LRRC4C: variants seen among roughly 807,000 people sequenced by gnomAD.
LRRC4C encodes leucine rich repeat containing 4C.
LRRC4C carries 5 observed loss-of-function variants against 33.6 expected under a neutral mutation model. The observed-to-expected ratio is 0.15, with a 90% confidence interval of 0.08 to 0.31. The LOEUF is 0.31. Among genes scored for constraint, LRRC4C ranks in the 10% least tolerant of loss-of-function variants. LRRC4C has a pLI of 1.00. For missense variants in LRRC4C, 560 were observed against 796.7 expected (o/e 0.70, Z 3.58); for synonymous variants, 329 against 302.0 (o/e 1.09, Z -0.93).
chr11:40,196,681 A>G lies in LRRC4C; in HGVS notation c.-96+44838T>C, dbSNP rs185994894. ...AGGCAGAGTAGATCTAAGATTTTAC[A>G]AAAGTGTCTACTCAATTAATTGAGA... On this transcript the variant is annotated intron_variant, in intron 5 of 6. Transcript: ENST00000528697. Among the ~76,000 whole-genome samples the G allele has an allele frequency of 3.9e-5, 6 of 152,320 alleles. No homozygotes were observed. The East Asian group carries it at 1.2e-3, about 29-fold the overall frequency.
intron 5 of LRRC4C, among the ~76,000 whole-genome samples, chr11:40,142,453 T>A (rs1857438366): frequency 6.6e-6 from 1 of 152,150 alleles, no homozygotes; most frequent in South Asian, 2.1e-4. Flanking sequence ...TTAGTGTGTG[T>A]AGAGAGGCAA....
At chr11:41,237,579 A>G (rs1023156874) in intron 1 of LRRC4C, among the ~76,000 whole-genome samples, 2 of 152,174 alleles carry the variant, frequency 1.3e-5, no homozygotes, top group South Asian at 2.1e-4. Flanking sequence ...CCTTAAAACT[A>G]GTTACCGTAG....
chr11:41,340,909 T>C (rs1951613281), intron 1 of LRRC4C, among the ~76,000 whole-genome samples: 1 of 152,190 alleles, frequency 6.6e-6, no homozygotes, highest in South Asian at 2.1e-4. Flanking sequence ...CAATTCATTG[T>C]GGTTGAGGAT....
intron 1 of LRRC4C, among the ~76,000 whole-genome samples, chr11:41,449,983 A>T (rs1955967341): frequency 6.6e-6 from 1 of 152,116 alleles, no homozygotes. Context: ...GAGAAATAGA[A>T]ACTGGCTTCT....
chr11:40,513,468 C>T (rs1303902893), intron 3 of LRRC4C, among the ~76,000 whole-genome samples: 4 of 152,014 alleles, frequency 2.6e-5, no homozygotes, highest in African/African-American at 9.7e-5. Context: ...CAAGCCCTAG[C>T]AAACCACAGA....
intron 4 of LRRC4C, among the ~76,000 whole-genome samples, chr11:40,280,516 C>T (rs560109966): frequency 6.6e-6 from 1 of 152,284 alleles, no homozygotes; most frequent in South Asian, 2.1e-4. Context: ...ACTATCCTCT[C>T]ACTCATCTTC....
chr11:41,221,022 T>C (rs1166762140), intron 1 of LRRC4C, among the ~76,000 whole-genome samples: 1 of 152,220 alleles, frequency 6.6e-6, no homozygotes, highest in African/African-American at 2.4e-5. Context: ...GGGGTACAAA[T>C]GTAAGTTTGT....
At chr11:41,202,429 A>G (rs890431398) in intron 1 of LRRC4C, among the ~76,000 whole-genome samples, 4 of 152,200 alleles carry the variant, frequency 2.6e-5, no homozygotes, top group Non-Finnish European at 5.9e-5. Flanking sequence ...TATTAACTAC[A>G]TAAATATTCT....
At chr11:41,440,736 A>G (rs189711503) in intron 1 of LRRC4C, among the ~76,000 whole-genome samples, 1 of 152,226 alleles carries the variant, frequency 6.6e-6, no homozygotes, top group East Asian at 1.9e-4. Flanking sequence ...TGTTCTCATG[A>G]CAGTGAGTGA....
At chr11:40,927,454 TATTA>T (rs1957450178) in intron 2 of LRRC4C, among the ~76,000 whole-genome samples, 1 of 152,194 alleles carries the variant, frequency 6.6e-6, no homozygotes, top group African/African-American at 2.4e-5. Context: ...AATATGTATT[TATTA>T]ATTGTTATAA....
At chr11:40,519,107 G>T (rs1955695150) in intron 3 of LRRC4C, among the ~76,000 whole-genome samples, 1 of 152,118 alleles carries the variant, frequency 6.6e-6, no homozygotes, top group Non-Finnish European at 1.5e-5. Context: ...GGGAGCTAGG[G>T]GAGGGATAGC....
chr11:40,909,000 T>A (rs979666515), intron 2 of LRRC4C, among the ~76,000 whole-genome samples: 2 of 152,102 alleles, frequency 1.3e-5, no homozygotes, highest in Admixed American at 1.3e-4. Flanking sequence ...CTCCTGACAT[T>A]ATTACTATAT....
At chr11:40,996,962 G>C (rs1169724295) in intron 1 of LRRC4C, among the ~76,000 whole-genome samples, 2 of 152,062 alleles carry the variant, frequency 1.3e-5, no homozygotes, top group African/African-American at 4.8e-5. Flanking sequence ...TTCAACATTG[G>C]AGGGGATGAA....
intron 2 of LRRC4C, among the ~76,000 whole-genome samples, chr11:40,870,883 G>A (rs1011334270): frequency 2.0e-5 from 3 of 152,166 alleles, no homozygotes; most frequent in African/African-American, 7.2e-5. Context: ...CTGCCGGTGA[G>A]CCATATTTCT....
At position 41,237,730 on chromosome 11, in the gene LRRC4C, G is replaced by A. The variant is rs141081178; in HGVS notation, c.-496+221701C>T. Among the ~76,000 whole-genome samples the A allele has an allele frequency of 3.3e-3, 499 of 152,094 alleles. 8 individuals are homozygous for A. The highest frequency in any genetic ancestry group is 0.018 in the South Asian group (88 of 4,814). On this transcript the variant is annotated intron_variant, in intron 1 of 6. Coordinates refer to ENST00000528697, the MANE Select transcript of LRRC4C (RefSeq NM_001258419.2). ...AGGAAAGGTGTTAGCCCCAATTCAC[G>A]GTGACTTTTTCCCTTTAATTTCTAG...
intron 2 of LRRC4C, among the ~76,000 whole-genome samples, chr11:40,855,715 T>C (rs1953745457): frequency 6.6e-6 from 1 of 152,190 alleles, no homozygotes; most frequent in African/African-American, 2.4e-5. Context: ...TTTATGAGAC[T>C]GAGCCTGTGA....
chr11:40,357,807 T>C (rs1205895352), intron 3 of LRRC4C, among the ~76,000 whole-genome samples: 1 of 152,100 alleles, frequency 6.6e-6, no homozygotes. Flanking sequence ...GGTTGTAACA[T>C]CCTGGGCATG....
chr11:40,467,500 G>T (rs1016274331), intron 3 of LRRC4C, among the ~76,000 whole-genome samples: 5 of 151,986 alleles, frequency 3.3e-5, no homozygotes, highest in Non-Finnish European at 5.9e-5. Flanking sequence ...GAAGAGGGAA[G>T]AAAAAATTTT....
At chr11:40,794,120 T>C (rs1950730470) in intron 2 of LRRC4C, among the ~76,000 whole-genome samples, 1 of 152,110 alleles carries the variant, frequency 6.6e-6, no homozygotes. Flanking sequence ...TCTGAATTAA[T>C]GACCAACAGA....
Sources: gnomAD v4.1 joint callset for allele counts (sites outside exome capture counted in the v4.1 genomes callset) on GRCh38, gnomAD v4.1.1 for gene constraint, MANE v1.5 for transcripts, NCBI Gene and HGNC (gene_info 2026-07-23, HGNC 2026-07-21) for gene names.